The following SYNE1 variants were observed in gnomAD, a reference collection of about 807,000 sequenced individuals.
SYNE1 encodes the protein nesprin-1.
A neutral mutation model predicts 1,111.0 loss-of-function variants in SYNE1; 616 were observed. The observed-to-expected ratio is 0.55, with a 90% CI of 0.52 to 0.59. SYNE1 has a LOEUF of 0.59. Ranked by LOEUF, SYNE1 falls within the 20% of genes least tolerant of loss-of-function variation. The pLI is 0.00. For synonymous variants in SYNE1, 3,855 were observed against 3,825.8 expected (o/e 1.01, Z -0.28); for missense variants, 10,006 against 10,417.0 (o/e 0.96, Z 1.72).
At chr6:152,286,516 C>T (rs1178002899) in intron 95 of SYNE1, among the ~76,000 whole-genome samples, 1 of 152,096 alleles carries the variant, frequency 6.6e-6, no homozygotes, top group Non-Finnish European at 1.5e-5. Context: ...ATTGTTTTCA[C>T]TTTAAGTTTT....
At chr6:152,321,454 C>A in intron 83 of SYNE1, 64 bp from the exon 84 acceptor site, 1 of 1,568,540 alleles carries the variant, frequency 6.4e-7, no homozygotes, top group Non-Finnish European at 8.7e-7. Context: ...ATAGACAAGG[C>A]TGTATATTTT....
chr6:152,511,683 G>T (rs1285457329), intron 6 of SYNE1: 1 of 1,371,228 alleles, frequency 7.3e-7, no homozygotes, highest in Non-Finnish European at 1.0e-6. Context: ...AAAGAGGTAG[G>T]TAGTCAGTTT....
chr6:152,146,450 G>T (rs1397940540), intron 137 of SYNE1: 1 of 152,142 alleles, frequency 6.6e-6, no homozygotes, highest in Non-Finnish European at 1.5e-5. Context: ...ATGTAAGCAT[G>T]TTTTCCACGC....
Position 152,201,921 on chromosome 6 carries a change from G to A in SYNE1, c.23048C>T (p.Ala7683Val), listed in dbSNP as rs1473246133. 6.2e-7 allele frequency: 1 copy of A among 1,613,862 alleles called. No homozygotes were observed. The highest frequency in any genetic ancestry group is 8.5e-7 in the Non-Finnish European group (1 of 1,179,818). Reference sequence around the variant, plus strand: ...AGTTCGTAGTTTCTCCAGGGAATCTGCTATTCCTTTCTCACATTTTTCCCA... The same window carrying A: ...AGTTCGTAGTTTCTCCAGGGAATCTACTATTCCTTTCTCACATTTTTCCCA... ...KDWEKCEKGI[A>V]DSLEKLRTFK... The change falls in exon 127 of 146, where the codon GCA (alanine) becomes GTA (valine). Residue 7683 changes from alanine (A) to valine (V), a missense_variant. Transcript: ENST00000367255.
At chr6:152,207,944 T>C (rs1328915893) in intron 125 of SYNE1, 28 bp downstream of exon 125, 1 of 1,610,994 alleles carries the variant, frequency 6.2e-7, no homozygotes, top group Admixed American at 1.7e-5. Flanking sequence ...GCCTAAGAGG[T>C]GTGAGAACAC....
intron 80 of SYNE1, 145 bp downstream of exon 80, chr6:152,325,813 C>T: frequency 9.3e-7 from 1 of 1,070,608 alleles, no homozygotes. Flanking sequence ...ATTTAATAAA[C>T]TTAAAACTTC....
intron 49 of SYNE1, 109 bp from the exon 50 acceptor site, chr6:152,397,089 C>A: frequency 3.5e-6 from 4 of 1,138,968 alleles, no homozygotes; most frequent in Non-Finnish European, 5.2e-6. Context: ...AATGGCTTAA[C>A]AAGGCTGGAG....
In SYNE1 at chr6:152,136,606, A is replaced by G. The variant is rs768250475; in HGVS notation, c.25659+12T>C. 1 of 1,612,790 alleles carries G rather than the reference A, an allele frequency of 6.2e-7. No individual in the cohort carries two copies. Among genetic ancestry groups the G allele is most frequent in the Non-Finnish European group, 8.5e-7 (1 of 1,180,022 alleles). On this transcript the variant is annotated intron_variant, in intron 141 of 145. Transcript: ENST00000367255. ...TCTCTCTGAGTCACCTCCTGCCCAA[A>G]GCTCTACAGACCTGGCACTGCATCA...
At chr6:152,500,879 AG>A in intron 10 of SYNE1, among the ~76,000 whole-genome samples, 1 of 148,832 alleles carries the variant, frequency 6.7e-6, no homozygotes, top group Non-Finnish European at 1.5e-5. Context: ...TGAACCTGGG[AG>A]GCGGAGCTTG....
chr6:152,372,944 AG>A, intron 59 of SYNE1, 92 bp downstream of exon 59: 1 of 1,375,058 alleles, frequency 7.3e-7, no homozygotes, highest in Non-Finnish European at 1.0e-6. Flanking sequence ...ATCATTGACA[AG>A]GGGGCTTTGA....
intron 127 of SYNE1, among the ~76,000 whole-genome samples, chr6:152,199,785 G>C (rs2075019599): frequency 6.6e-6 from 1 of 152,192 alleles, no homozygotes; most frequent in Non-Finnish European, 1.5e-5. Context: ...ATTTTAGCCT[G>C]AATTTTCCAG....
chr6:152,318,411 T>G (rs1235057666), intron 85 of SYNE1, 148 bp from the exon 86 acceptor site: 2 of 923,238 alleles, frequency 2.2e-6, no homozygotes, highest in Non-Finnish European at 3.3e-6. Context: ...TTTTTGTTTC[T>G]TCGGTTGGAA....
intron 2 of SYNE1, among the ~76,000 whole-genome samples, chr6:152,629,451 CCA>C (rs1174360932): frequency 6.8e-6 from 1 of 148,046 alleles, no homozygotes; most frequent in Non-Finnish European, 1.5e-5. Flanking sequence ...AGTGATCTGC[CCA>C]CCTCGGCCTC....
chr6:152,587,342 C>T lies in SYNE1; in HGVS notation c.67+40923G>A, dbSNP rs976612221. On this transcript the variant is annotated intron_variant, in intron 3 of 145. Transcript: ENST00000367255. ...AACTCCTACACCATTATTCCAAGGG[C>T]TAGCTGCTGCTCCTTTGAATGGCTG... is the stretch of plus-strand genomic sequence containing the variant. Among the ~76,000 whole-genome samples, 43 of 152,298 alleles carry T rather than the reference C, an allele frequency of 2.8e-4. No individual in the cohort carries two copies. In the Middle Eastern group the frequency reaches 0.01, roughly 36 times the overall value.
At chr6:152,616,899 T>G (rs1293026603) in intron 3 of SYNE1, among the ~76,000 whole-genome samples, 1 of 152,192 alleles carries the variant, frequency 6.6e-6, no homozygotes, top group Non-Finnish European at 1.5e-5. Context: ...TGCCCTGTTG[T>G]GTATTAATTA....
chr6:152,209,787 T>C (rs2077192844), intron 124 of SYNE1, among the ~76,000 whole-genome samples: 1 of 152,048 alleles, frequency 6.6e-6, no homozygotes, highest in Admixed American at 6.6e-5. Flanking sequence ...TGATAGCTAC[T>C]TAGATTTTGA....
At chr6:152,443,110 A>T (rs903502071) in intron 30 of SYNE1, among the ~76,000 whole-genome samples, 1 of 152,218 alleles carries the variant, frequency 6.6e-6, no homozygotes, top group African/African-American at 2.4e-5. Context: ...ATTTTCACAA[A>T]GTAAATGCAC....
At chr6:152,632,826 T>G (rs2099700135) in intron 2 of SYNE1, among the ~76,000 whole-genome samples, 1 of 152,206 alleles carries the variant, frequency 6.6e-6, no homozygotes, top group Non-Finnish European at 1.5e-5. Flanking sequence ...TTCCAGCAGA[T>G]TGATTGGCAT....
In SYNE1 at chr6:152,236,227, G is replaced by A. The variant is rs1413985173; in HGVS notation, c.20276C>T (p.Ser6759Phe). Residue 6759 changes from serine (S) to phenylalanine (F), a missense_variant, in exon 110 of 146, where the codon TCC (serine) becomes TTC (phenylalanine). Around this residue, in one of 7 missense-constraint regions of SYNE1, gnomAD observed 2,182 missense variants for 2,287.8 expected, o/e 0.95. Coordinates refer to ENST00000367255, the MANE Select transcript of SYNE1 (RefSeq NM_182961.4). ...VLDDGKRLLI[S>F]ISCSDLESQL... ...GCTTTCTAGATCTGAGCAGCTGATGGATATCAGAAGTCGTTTCCCATCATC... is the reference window on the plus strand; with the variant it reads ...GCTTTCTAGATCTGAGCAGCTGATGAATATCAGAAGTCGTTTCCCATCATC... The A allele has an allele frequency of 6.2e-7, 1 of 1,614,086 alleles. No homozygotes were observed. Among genetic ancestry groups the A allele is most frequent in the East Asian group, 2.2e-5 (1 of 44,872 alleles).
Sources: allele counts gnomAD v4.1 joint callset (sites outside exome capture counted in the v4.1 genomes callset), GRCh38; gene constraint gnomAD v4.1.1; regional missense constraint gnomAD v4.1.1; transcripts MANE v1.5; gene names NCBI Gene and HGNC (gene_info 2026-07-23, HGNC 2026-07-21).